The following MYPN variants were observed in gnomAD, a reference collection of about 807,000 sequenced individuals.
MYPN encodes myopalladin.
MYPN carries 63 observed loss-of-function variants against 129.4 expected under a neutral mutation model. The ratio of observed to expected loss-of-function variants is 0.49; its 90% CI spans 0.40 to 0.60. The LOEUF is 0.60. Among genes scored for constraint, MYPN ranks in the 20% least tolerant of loss-of-function variants. The pLI, the probability that MYPN is intolerant of heterozygous loss-of-function variation, is 0.00. For missense variants in MYPN, 1,596 were observed against 1,635.4 expected (o/e 0.98, Z 0.42); for synonymous variants, 629 against 600.9 (o/e 1.05, Z -0.68).
chr10:68,197,144 G>A (rs1231900029), intron 15 of MYPN, among the ~76,000 whole-genome samples: 3 of 151,864 alleles, frequency 2.0e-5, no homozygotes, highest in African/African-American at 7.3e-5. Context: ...GATCTCGCAA[G>A]ACAATCCCAC....
chr10:68,130,143 T>A (rs1260490074), intron 2 of MYPN, among the ~76,000 whole-genome samples: 2 of 152,194 alleles, frequency 1.3e-5, no homozygotes, highest in African/African-American at 4.8e-5. Flanking sequence ...GTTCTTTTCT[T>A]ATTGATTTAT....
upstream of MYPN, chr10:68,106,245 A>C (rs769747926): frequency 2.5e-5 from 11 of 435,740 alleles, no homozygotes; most frequent in East Asian, 7.2e-4. Flanking sequence ...TAGTTTTTAA[A>C]AATGTTTTTA....
Position 68,116,208 on chromosome 10 carries a change from GA to G in MYPN, c.-1-5229del, listed in dbSNP as rs1290043986. Among the ~76,000 whole-genome samples, 6 of 151,920 alleles carry G rather than the reference GA, an allele frequency of 3.9e-5. No individual in the cohort carries two copies. In the South Asian group the frequency reaches 8.3e-4, roughly 21 times the overall value. On this transcript the variant is annotated intron_variant, in intron 1 of 19. Transcript: ENST00000358913. The stretch of plus-strand genomic sequence containing the variant: ...ATAGGGTACCTATAAGAGCACTTAT[GA>G]TTTTTTTTAAGTACAAATTTTATAA...
intron 2 of MYPN, among the ~76,000 whole-genome samples, chr10:68,127,689 G>A (rs2042348350): frequency 6.6e-6 from 1 of 152,036 alleles, no homozygotes; most frequent in African/African-American, 2.4e-5. Flanking sequence ...GAAGAGGGGT[G>A]GGGTAGAGAT....
At chr10:68,195,648 G>A in intron 15 of MYPN, 116 bp downstream of exon 15, 1 of 834,590 alleles carries the variant, frequency 1.2e-6, no homozygotes, top group Non-Finnish European at 2.1e-6. Flanking sequence ...TTCACTTGCA[G>A]CACTAGCATC....
chr10:68,136,482 GTC>G, intron 2 of MYPN: 1 of 1,214,040 alleles, frequency 8.2e-7, no homozygotes, highest in Non-Finnish European at 1.1e-6. Context: ...ACCCTCAAAA[GTC>G]TTCAGCATAG....
At chr10:68,140,793 A>T (rs751141759) in intron 2 of MYPN, among the ~76,000 whole-genome samples, 1 of 152,066 alleles carries the variant, frequency 6.6e-6, no homozygotes, top group Non-Finnish European at 1.5e-5. Flanking sequence ...GCCTTATAGG[A>T]TGTGTGTGGT....
At chr10:68,171,291 A>G (rs1161488770) in intron 10 of MYPN, among the ~76,000 whole-genome samples, 1 of 152,216 alleles carries the variant, frequency 6.6e-6, no homozygotes, top group Non-Finnish European at 1.5e-5. Flanking sequence ...AAAAGTCAGA[A>G]TATACTAGGA....
rs115512350 is a variant in MYPN at position 68,194,342 on chromosome 10, C to A, written c.2926-21C>A. On this transcript the variant is annotated intron_variant, in intron 13 of 19. Coordinates refer to ENST00000358913, the MANE Select transcript of MYPN (RefSeq NM_032578.4). ...TAAAGATAAACAAAACAGTGTACAT[C>A]TTGATAATTTTTCATTTCAGGTTTA... 1,289 of 1,611,210 alleles carry A rather than the reference C, an allele frequency of 8.0e-4. 8 individuals carry two copies. The African/African-American group carries it at 0.015, about 18-fold the overall frequency.
At chr10:68,168,683 CTG>C (rs1434579056) in intron 10 of MYPN, among the ~76,000 whole-genome samples, 1 of 152,122 alleles carries the variant, frequency 6.6e-6, no homozygotes, top group Admixed American at 6.5e-5. Context: ...GATTCTATGG[CTG>C]GCAATTGAAA....
At chr10:68,199,661 T>C (rs117979834) in intron 17 of MYPN, 86 bp downstream of exon 17, 1 of 1,340,534 alleles carries the variant, frequency 7.5e-7, no homozygotes, top group Admixed American at 1.8e-5. Flanking sequence ...AATTCCTTCA[T>C]CCTTTGCCCT....
At chr10:68,120,599 A>G (rs1201821588) in intron 1 of MYPN, among the ~76,000 whole-genome samples, 1 of 152,240 alleles carries the variant, frequency 6.6e-6, no homozygotes, top group Non-Finnish European at 1.5e-5. Flanking sequence ...GTCTCTAGCA[A>G]GCTTGTCAAA....
intron 2 of MYPN, among the ~76,000 whole-genome samples, chr10:68,125,966 G>A (rs1451423567): frequency 6.6e-6 from 1 of 152,158 alleles, no homozygotes; most frequent in Non-Finnish European, 1.5e-5. Flanking sequence ...TGTAATAAGG[G>A]CTATGACAGG....
chr10:68,161,617 G>T, intron 7 of MYPN, 112 bp from the exon 8 acceptor site: 1 of 757,358 alleles, frequency 1.3e-6, no homozygotes. Context: ...TAATCTTATT[G>T]TATCACTCCT....
chr10:68,143,239 C>A (rs1368042472), intron 3 of MYPN, 124 bp downstream of exon 3: 4 of 853,060 alleles, frequency 4.7e-6, no homozygotes, highest in Admixed American at 2.3e-5. Flanking sequence ...CAGCAGTGAA[C>A]CGAGTAGAAC....
intron 6 of MYPN, chr10:68,158,026 G>A (rs771028997): frequency 1.9e-5 from 3 of 157,252 alleles, no homozygotes; most frequent in Non-Finnish European, 4.2e-5. Context: ...AAACAATAGC[G>A]AGGGAAAAGC....
intron 10 of MYPN, among the ~76,000 whole-genome samples, chr10:68,169,026 G>GT (rs2043099271): frequency 7.7e-6 from 1 of 129,704 alleles, no homozygotes; most frequent in Non-Finnish European, 1.6e-5. Flanking sequence ...AAAAAGACCT[G>GT]TTTCATGAGA....
intron 2 of MYPN, 147 bp from the exon 3 acceptor site, chr10:68,142,793 T>C (rs1316597230): frequency 5.0e-6 from 4 of 800,460 alleles, no homozygotes; most frequent in African/African-American, 1.7e-5. Context: ...TTCTCACTGT[T>C]ACAAAAAAAT....
intron 19 of MYPN, 84 bp downstream of exon 19, chr10:68,206,987 G>A: frequency 1.3e-6 from 2 of 1,534,502 alleles, no homozygotes; most frequent in Non-Finnish European, 1.8e-6. Context: ...GTCAGGCAAG[G>A]TGGCTCATGC....
Sources: gnomAD v4.1 joint callset for allele counts (sites outside exome capture counted in the v4.1 genomes callset) on GRCh38, gnomAD v4.1.1 for gene constraint, MANE v1.5 for transcripts, NCBI Gene and HGNC (gene_info 2026-07-23, HGNC 2026-07-21) for gene names.